Variants in PAAF1 observed in about 807,000 individuals in gnomAD.
The protein encoded by PAAF1 is proteasomal ATPase-associated factor 1.
In PAAF1, 46 loss-of-function variants were observed where a neutral mutation model predicts 52.8. The ratio of observed to expected loss-of-function variants is 0.87; its 90% confidence interval spans 0.69 to 1.11. PAAF1 has a LOEUF of 1.11. PAAF1 is among the 50% of genes most tolerant of loss of function. PAAF1 has a pLI of 0.00. For synonymous variants in PAAF1, 178 were observed against 172.8 expected (o/e 1.03, Z -0.24); for missense variants, 424 against 477.4 (o/e 0.89, Z 1.04).
chr11:73,888,654 A>G lies in PAAF1; in HGVS notation c.192+1197A>G, dbSNP rs147018562. Reference sequence around the variant, plus strand: ...TGTTTTTTACATAAGATTTTTAGCAAATGTTCATTCATTACTCTCTTTGGG... The same window carrying G: ...TGTTTTTTACATAAGATTTTTAGCAGATGTTCATTCATTACTCTCTTTGGG... On this transcript the variant is annotated intron_variant, in intron 3 of 11. Transcript: ENST00000310571. 4.9e-3 allele frequency: 764 copies of G among 156,718 alleles called. 1 individual carries two copies. Among genetic ancestry groups the G allele is most frequent in the Non-Finnish European group, 7.8e-3 (555 of 71,118 alleles). 9.7% of individuals were successfully genotyped at this position (156,718 alleles called of 1,614,324 possible).
At chr11:73,907,594 G>T (rs900126797) in intron 6 of PAAF1, among the ~76,000 whole-genome samples, 1 of 152,216 alleles carries the variant, frequency 6.6e-6, no homozygotes, top group Non-Finnish European at 1.5e-5. Flanking sequence ...GCCAGGTGGG[G>T]ATGGAAACTG....
At position 73,877,015 on chromosome 11, in the gene PAAF1, G is replaced by A. The variant is rs1270129754; in HGVS notation, c.-7G>A. On this transcript the variant is annotated 5_prime_UTR_variant, in exon 1 of 12. Transcript: ENST00000310571. ...GGAAGAGGTGGGCTGGTGGAGGCGGGGTCGAGATGGCGGCGCCTTTGAGGA... is the reference window on the plus strand; with the variant it reads ...GGAAGAGGTGGGCTGGTGGAGGCGGAGTCGAGATGGCGGCGCCTTTGAGGA... The A allele has an allele frequency of 3.9e-6, 6 of 1,533,432 alleles. No individual in the cohort carries two copies. Among genetic ancestry groups the A allele is most frequent in the Admixed American group, 2.1e-5 (1 of 48,702 alleles). The allele number at this position is 1,533,432 out of a possible 1,614,324, so 95.0% of individuals were successfully genotyped here.
At chr11:73,903,507 AG>A (rs1361223884) in intron 6 of PAAF1, among the ~76,000 whole-genome samples, 4 of 152,100 alleles carry the variant, frequency 2.6e-5, no homozygotes, top group African/African-American at 4.8e-5. Context: ...ATCTGAGGTC[AG>A]GAGTTCAAGA....
rs570465345 is a variant in PAAF1 at position 73,878,812 on chromosome 11, T to C, written c.81T>C (p.His27=). ...KDEGEAWLSC[H]PPGKPSLYGS... is the part of the protein sequence containing the mutation. The stretch of plus-strand genomic sequence containing the variant: ...AAGGGGAGGCCTGGCTGAGCTGTCA[T>C]CCCCCAGGTAATACCCATGAATTAT... Residue 27 remains histidine, a synonymous_variant, in exon 2 of 12, where the codon CAT becomes CAC. Coordinates refer to ENST00000310571, the MANE Select transcript of PAAF1 (RefSeq NM_025155.3). 5 of 1,613,508 alleles carry C rather than the reference T, an allele frequency of 3.1e-6. No individual in the cohort carries two copies. Among genetic ancestry groups the C allele is most frequent in the South Asian group, 1.1e-5 (1 of 91,048 alleles).
At chr11:73,900,767 G>A (rs547399849) in intron 6 of PAAF1, among the ~76,000 whole-genome samples, 1 of 152,000 alleles carries the variant, frequency 6.6e-6, no homozygotes, top group Non-Finnish European at 1.5e-5. Flanking sequence ...CGGATCACGA[G>A]GTCAGGAGAT....
chr11:73,894,566 G>A (rs1949292255), intron 4 of PAAF1, among the ~76,000 whole-genome samples: 2 of 151,874 alleles, frequency 1.3e-5, no homozygotes, highest in Non-Finnish European at 2.9e-5. Context: ...CACCAGCATG[G>A]CACATGTATA....
Position 73,927,368 on chromosome 11 carries a change from T to C in PAAF1, c.*6T>C. The C allele has an allele frequency of 6.2e-7, 1 of 1,611,512 alleles. No individual in the cohort carries two copies. The highest frequency in any genetic ancestry group is 8.5e-7 in the Non-Finnish European group (1 of 1,177,814). ...ACCAGCTTTCTGACCTCTGACTTCT[T>C]GGAAAGAGCAGTCCCGGTTAGTGAA... On this transcript the variant is annotated 3_prime_UTR_variant, in exon 12 of 12. Transcript: ENST00000310571.
chr11:73,915,678 T>C (rs1167878672), intron 8 of PAAF1, among the ~76,000 whole-genome samples: 2 of 152,242 alleles, frequency 1.3e-5, no homozygotes, highest in African/African-American at 4.8e-5. Flanking sequence ...AGTTTCTTCC[T>C]ACATCCTCTG....
At position 73,884,921 on chromosome 11, in the gene PAAF1, G is replaced by A. The variant is rs1346275350; in HGVS notation, c.89-2433G>A. ...GTCGCCCAGGCTGGAGTGCAGTGGC[G>A]GGATCTCGGCTCACTGCAAGTTCCG... On this transcript the variant is annotated intron_variant, in intron 2 of 11. Coordinates refer to ENST00000310571, the MANE Select transcript of PAAF1 (RefSeq NM_025155.3). Among the ~76,000 whole-genome samples, 141 of 150,290 alleles carry A rather than the reference G, an allele frequency of 9.4e-4. 1 individual carries two copies. Among genetic ancestry groups the A allele is most frequent in the Admixed American group, 2.3e-3 (35 of 15,130 alleles).
At chr11:73,902,595 G>T (rs538860653) in intron 6 of PAAF1, among the ~76,000 whole-genome samples, 1 of 152,188 alleles carries the variant, frequency 6.6e-6, no homozygotes, top group Admixed American at 6.5e-5. Flanking sequence ...TGCAATTATT[G>T]TTCCCTTTAC....
At chr11:73,890,752 C>T (rs1949175518) in intron 3 of PAAF1, among the ~76,000 whole-genome samples, 2 of 152,314 alleles carry the variant, frequency 1.3e-5, no homozygotes, top group South Asian at 4.1e-4. Flanking sequence ...CGCACTGATC[C>T]TGTTCCTTGC....
At chr11:73,893,738 CAAAAAAAAAAA>C (rs564348245) in intron 4 of PAAF1, among the ~76,000 whole-genome samples, 4 of 71,968 alleles carry the variant, frequency 5.6e-5, no homozygotes, top group East Asian at 4.1e-4. Flanking sequence ...ACTCTGTCTC[CAAAAAAAAAAA>C]AAAAAAAAAA....
intron 6 of PAAF1, among the ~76,000 whole-genome samples, chr11:73,905,573 A>C (rs1188960381): frequency 1.3e-5 from 2 of 151,978 alleles, no homozygotes; most frequent in Non-Finnish European, 2.9e-5. Flanking sequence ...ATAGGTTCCC[A>C]CTTCTCTAGG....
chr11:73,891,829 T>G (rs1218224641), intron 4 of PAAF1, among the ~76,000 whole-genome samples: 2 of 152,210 alleles, frequency 1.3e-5, no homozygotes, highest in Non-Finnish European at 2.9e-5. Context: ...GCTGCTCATA[T>G]TTTATTCCTT....
At chr11:73,911,452 G>C (rs1426002157) in intron 7 of PAAF1, among the ~76,000 whole-genome samples, 1 of 151,934 alleles carries the variant, frequency 6.6e-6, no homozygotes, top group African/African-American at 2.4e-5. Flanking sequence ...CAAAGTGCTA[G>C]GATTACAAGC....
At chr11:73,912,325 G>A (rs752211300) in intron 7 of PAAF1, among the ~76,000 whole-genome samples, 5 of 152,122 alleles carry the variant, frequency 3.3e-5, no homozygotes, top group Non-Finnish European at 7.4e-5. Context: ...TGTCTAACAA[G>A]GAGTGTTTGA....
At chr11:73,913,004 G>A (rs556380338) in intron 7 of PAAF1, among the ~76,000 whole-genome samples, 2 of 152,288 alleles carry the variant, frequency 1.3e-5, no homozygotes, top group Admixed American at 1.3e-4. Context: ...AGCCTCCCGA[G>A]TAACTGGGAT....
chr11:73,877,009 A>AGGCGGGGTCGAGAT lies in PAAF1; in HGVS notation c.-7_7dup. ...AGGGGCGGAAGAGGTGGGCTGGTGGAGGCGGGGTCGAGATGGCGGCGCCTT... is the reference window on the plus strand; with the variant it reads ...AGGGGCGGAAGAGGTGGGCTGGTGGAGGCGGGGTCGAGATGGCGGGGTCGAGATGGCGGCGCCTT... On this transcript the variant is annotated 5_prime_UTR_variant, in exon 1 of 12. It adds an upstream start codon to the 5' untranslated region. Coordinates refer to ENST00000310571, the MANE Select transcript of PAAF1 (RefSeq NM_025155.3). 6.5e-7 allele frequency: 1 copy of AGGCGGGGTCGAGAT among 1,528,248 alleles called. No homozygotes were observed. Among genetic ancestry groups the AGGCGGGGTCGAGAT allele is most frequent in the Non-Finnish European group, 8.8e-7 (1 of 1,134,820 alleles). The allele number at this position is 1,528,248 out of a possible 1,614,324, so 94.7% of individuals were successfully genotyped here. A position where few individuals can be genotyped will look rare whatever the true frequency, so the allele number is the denominator to read the frequency against.
chr11:73,884,912 T>G (rs1037101477), intron 2 of PAAF1, among the ~76,000 whole-genome samples: 1 of 150,762 alleles, frequency 6.6e-6, no homozygotes, highest in Non-Finnish European at 1.5e-5. Flanking sequence ...CAGGCTGGAG[T>G]GCAGTGGCGG....
Sources: gnomAD v4.1 joint callset for allele counts (sites outside exome capture counted in the v4.1 genomes callset) on GRCh38, gnomAD v4.1.1 for gene constraint, MANE v1.5 for transcripts, NCBI Gene and HGNC (gene_info 2026-07-23, HGNC 2026-07-21) for gene names.